PRKCE: variants seen among roughly 807,000 people sequenced by gnomAD.
PRKCE encodes the protein protein kinase C epsilon type.
A neutral mutation model predicts 85.4 loss-of-function variants in PRKCE; 16 were observed. The observed-to-expected ratio is 0.19, with a 90% confidence interval of 0.13 to 0.28. The LOEUF is 0.28. Among genes scored for constraint, PRKCE ranks in the 10% least tolerant of loss-of-function variants. The pLI, the probability that PRKCE is intolerant of heterozygous loss-of-function variation, is 1.00. For synonymous variants in PRKCE, 388 were observed against 371.5 expected (o/e 1.04, Z -0.51); for missense variants, 573 against 975.2 (o/e 0.59, Z 5.49).
Position 45,873,862 on chromosome 2 carries a change from A to C in PRKCE, c.412+30799A>C, listed in dbSNP as rs569651054. ...ATAACCACCCACTCCGCCCCAAAAA[A>C]ACCAACTGAGTCTCTTGTCTTGGCA... On this transcript the variant is annotated intron_variant, in intron 2 of 14. Coordinates refer to ENST00000306156, the MANE Select transcript of PRKCE (RefSeq NM_005400.3). Among the ~76,000 whole-genome samples the C allele has an allele frequency of 2.0e-5, 3 of 152,352 alleles. No homozygotes were observed. The East Asian group carries it at 5.8e-4, about 29-fold the overall frequency.
intron 1 of PRKCE, among the ~76,000 whole-genome samples, chr2:45,824,437 G>A (rs55941797): frequency 0.13 from 19,992 of 152,048 alleles, 2,417 homozygotes; most frequent in African/African-American, 0.31. Context: ...CTTAAGCGGG[G>A]CGTGTTGTGT....
chr2:45,932,567 G>A (rs1699122782), intron 2 of PRKCE, among the ~76,000 whole-genome samples: 1 of 152,114 alleles, frequency 6.6e-6, no homozygotes, highest in African/African-American at 2.4e-5. Flanking sequence ...CAAAACTTGG[G>A]ATTATTCATC....
intron 2 of PRKCE, among the ~76,000 whole-genome samples, chr2:45,952,376 C>G (rs1479560839): frequency 1.3e-5 from 2 of 152,194 alleles, no homozygotes; most frequent in African/African-American, 4.8e-5. Context: ...TTCTTGTTCT[C>G]TCTCTCTCAT....
chr2:45,719,049 G>T (rs568033058), intron 1 of PRKCE, among the ~76,000 whole-genome samples: 2 of 152,366 alleles, frequency 1.3e-5, no homozygotes, highest in South Asian at 4.1e-4. Context: ...AGTAATTCTT[G>T]AGACTTTTCT....
intron 1 of PRKCE, among the ~76,000 whole-genome samples, chr2:45,688,962 G>C (rs1677512882): frequency 6.6e-6 from 1 of 152,194 alleles, no homozygotes; most frequent in African/African-American, 2.4e-5. Flanking sequence ...CCTTTTGGGA[G>C]CTCATGTTTC....
intron 6 of PRKCE, among the ~76,000 whole-genome samples, chr2:45,986,644 A>C (rs1447021877): frequency 6.6e-6 from 1 of 152,090 alleles, no homozygotes. Context: ...TTGAAGTAGG[A>C]GGGAGAAGTG....
intron 2 of PRKCE, among the ~76,000 whole-genome samples, chr2:45,856,196 A>G (rs894461546): frequency 3.3e-5 from 5 of 152,004 alleles, no homozygotes; most frequent in Non-Finnish European, 7.4e-5. Context: ...GGCAATTACC[A>G]TATCCCCCTC....
intron 2 of PRKCE, among the ~76,000 whole-genome samples, chr2:45,874,968 G>A (rs77678207): frequency 0.034 from 5,231 of 152,102 alleles, 134 homozygotes; most frequent in Non-Finnish European, 0.053. Context: ...TTCTCATTAC[G>A]GAAAGGGGAA....
intron 10 of PRKCE, among the ~76,000 whole-genome samples, chr2:46,052,996 C>T (rs978061584): frequency 6.6e-5 from 10 of 152,182 alleles, no homozygotes; most frequent in African/African-American, 2.4e-4. Flanking sequence ...TAAACCTAAA[C>T]GTAAGAGCCG....
At chr2:45,861,367 A>G (rs375366717) in intron 2 of PRKCE, among the ~76,000 whole-genome samples, 2 of 152,208 alleles carry the variant, frequency 1.3e-5, no homozygotes, top group East Asian at 3.8e-4. Flanking sequence ...AGAACTTACG[A>G]TATATAATAG....
intron 1 of PRKCE, among the ~76,000 whole-genome samples, chr2:45,777,704 C>T (rs578120666): frequency 6.6e-6 from 1 of 152,132 alleles, no homozygotes; most frequent in Non-Finnish European, 1.5e-5. Context: ...AAAGGTCATA[C>T]GGTTCGGGAA....
At chr2:45,675,975 CACCGGT>C (rs2103873505) in intron 1 of PRKCE, 1 of 152,324 alleles carries the variant, frequency 6.6e-6, no homozygotes, top group African/African-American at 2.4e-5. Flanking sequence ...ATTCAAGCAG[CACCGGT>C]ACCTGGCAGT....
intron 2 of PRKCE, among the ~76,000 whole-genome samples, chr2:45,921,080 A>C (rs548185250): frequency 1.1e-4 from 16 of 152,358 alleles, no homozygotes; most frequent in African/African-American, 3.8e-4. Context: ...CCCTGCCCTA[A>C]AATGTTTATG....
chr2:45,926,660 C>T (rs1262443296), intron 2 of PRKCE, among the ~76,000 whole-genome samples: 1 of 152,200 alleles, frequency 6.6e-6, no homozygotes, highest in South Asian at 2.1e-4. Context: ...TTGGTCATTA[C>T]TAAATTACTG....
At chr2:45,955,826 C>T (rs550647274) in intron 2 of PRKCE, among the ~76,000 whole-genome samples, 77 of 152,210 alleles carry the variant, frequency 5.1e-4, no homozygotes, top group African/African-American at 1.8e-3. Context: ...CATTTACATA[C>T]AGTAAACTTC....
rs6724677 is a variant in PRKCE at position 45,871,974 on chromosome 2, C to T, written c.412+28911C>T. Among the ~76,000 whole-genome samples the T allele has an allele frequency of 4.0e-3, 604 of 152,290 alleles. 4 individuals are homozygous for T. The highest frequency in any genetic ancestry group is 0.014 in the African/African-American group (579 of 41,550). ...TATACTGAGGACGGAGTTAGTGTGA[C>T]AGTACCCTATGCCAGGCACCATGGG... On this transcript the variant is annotated intron_variant, in intron 2 of 14. Coordinates refer to ENST00000306156, the MANE Select transcript of PRKCE (RefSeq NM_005400.3).
chr2:45,891,334 A>G (rs1695706856), intron 2 of PRKCE, among the ~76,000 whole-genome samples: 1 of 152,172 alleles, frequency 6.6e-6, no homozygotes, highest in Admixed American at 6.5e-5. Context: ...TTGGAAGCCC[A>G]TTGCATAACT....
chr2:45,903,361 C>T (rs913259132), intron 2 of PRKCE, among the ~76,000 whole-genome samples: 1 of 152,116 alleles, frequency 6.6e-6, no homozygotes, highest in South Asian at 2.1e-4. Context: ...ACAGAGCATC[C>T]CCTTTTCTTC....
chr2:46,084,513 G>A (rs1669393865), intron 10 of PRKCE, among the ~76,000 whole-genome samples: 2 of 152,022 alleles, frequency 1.3e-5, no homozygotes, highest in South Asian at 4.1e-4. Flanking sequence ...CACGAGGTCA[G>A]GAGATCAAGA....
Sources: gnomAD v4.1 joint callset for allele counts (sites outside exome capture counted in the v4.1 genomes callset) on GRCh38, gnomAD v4.1.1 for gene constraint, MANE v1.5 for transcripts, NCBI Gene and HGNC (gene_info 2026-07-23, HGNC 2026-07-21) for gene names.